Variants in DNER observed in about 807,000 individuals in gnomAD.
DNER encodes delta/notch like EGF repeat containing.
In DNER, 33 loss-of-function variants were observed where a neutral mutation model predicts 78.2. The ratio of observed to expected loss-of-function variants is 0.42; its 90% CI spans 0.32 to 0.56. The LOEUF (loss-of-function observed/expected upper bound fraction) is 0.56. Ranked by LOEUF, DNER falls within the 20% of genes least tolerant of loss-of-function variation. The pLI, the probability that DNER is intolerant of heterozygous loss-of-function variation, is 0.11. For synonymous variants in DNER, 417 were observed against 384.8 expected (o/e 1.08, Z -0.98); for missense variants, 918 against 975.3 (o/e 0.94, Z 0.78).
intron 6 of DNER, among the ~76,000 whole-genome samples, chr2:229,499,717 A>G (rs1313941028): frequency 6.6e-6 from 1 of 152,116 alleles, no homozygotes; most frequent in African/African-American, 2.4e-5. Context: ...AAATAGACAA[A>G]CGGGATTACA....
At chr2:229,659,441 A>G (rs1468749589) in intron 1 of DNER, among the ~76,000 whole-genome samples, 2 of 152,160 alleles carry the variant, frequency 1.3e-5, no homozygotes, top group Non-Finnish European at 2.9e-5. Context: ...ATTTAACCTT[A>G]CTATGATATA....
At chr2:229,608,744 T>A (rs1697993473) in intron 1 of DNER, among the ~76,000 whole-genome samples, 1 of 151,582 alleles carries the variant, frequency 6.6e-6, no homozygotes, top group African/African-American at 2.4e-5. Context: ...TGGGGAGGAG[T>A]AGGGTAGTGG....
chr2:229,367,722 A>T (rs1487562130), intron 11 of DNER, among the ~76,000 whole-genome samples: 1 of 152,240 alleles, frequency 6.6e-6, no homozygotes, highest in Non-Finnish European at 1.5e-5. Flanking sequence ...CAATTCCTCT[A>T]TCAGCTCCCA....
At chr2:229,676,470 G>C (rs527498859) in intron 1 of DNER, among the ~76,000 whole-genome samples, 3 of 152,144 alleles carry the variant, frequency 2.0e-5, no homozygotes, top group Non-Finnish European at 4.4e-5. Context: ...AGAAATAATC[G>C]CCTGGTTATA....
At chr2:229,464,753 TG>T (rs1219909813) in intron 7 of DNER, among the ~76,000 whole-genome samples, 5 of 151,832 alleles carry the variant, frequency 3.3e-5, no homozygotes, top group Non-Finnish European at 7.4e-5. Flanking sequence ...TAGAGAATGG[TG>T]GGGGCTGTGT....
In DNER at chr2:229,591,304, C is replaced by T. The variant is rs1227477114; in HGVS notation, c.585+276G>A. 6.6e-6 allele frequency among the ~76,000 whole-genome samples: 1 copy of T among 152,204 alleles called. No individual in the cohort carries two copies. Among genetic ancestry groups the T allele is most frequent in the African/African-American group, 2.4e-5 (1 of 41,452 alleles). On this transcript the variant is annotated intron_variant, in intron 2 of 12. Transcript: ENST00000341772. This position sits in a 1 kb window ranked among gnomAD's most constrained non-coding sequence, Gnocchi z 4.6. Reference sequence around the variant, plus strand: ...TATGACATGTTCCTTTACATGACTACACTGAGCTGTCTTCCCCAAAATCTA... The same window carrying T: ...TATGACATGTTCCTTTACATGACTATACTGAGCTGTCTTCCCCAAAATCTA...
intron 10 of DNER, among the ~76,000 whole-genome samples, chr2:229,390,501 TAGTC>T (rs1419932010): frequency 6.6e-6 from 1 of 152,206 alleles, no homozygotes; most frequent in Admixed American, 6.5e-5. Context: ...GGCTCTAACA[TAGTC>T]AGGGGAAGCC....
intron 11 of DNER, among the ~76,000 whole-genome samples, chr2:229,371,640 A>G (rs552679183): frequency 6.6e-6 from 1 of 152,216 alleles, no homozygotes; most frequent in South Asian, 2.1e-4. Flanking sequence ...GGTGAGGCAG[A>G]CAGTCAGTGG....
At chr2:229,670,861 T>G (rs1053045228) in intron 1 of DNER, among the ~76,000 whole-genome samples, 8 of 152,140 alleles carry the variant, frequency 5.3e-5, no homozygotes, top group Non-Finnish European at 1.2e-4. Flanking sequence ...AATATTAGTC[T>G]AAATAGCCAC....
chr2:229,422,605 C>T (rs1207209755), intron 8 of DNER, among the ~76,000 whole-genome samples: 1 of 152,104 alleles, frequency 6.6e-6, no homozygotes, highest in African/African-American at 2.4e-5. Context: ...GGAGGAAAAA[C>T]AGGCTTAGAA....
chr2:229,480,498 A>G (rs1307770441), intron 6 of DNER, among the ~76,000 whole-genome samples: 1 of 152,230 alleles, frequency 6.6e-6, no homozygotes, highest in African/African-American at 2.4e-5. Context: ...GATAATGCAC[A>G]AATATTCCCA....
At position 229,547,068 on chromosome 2, in the gene DNER, T is replaced by A; in HGVS notation, c.872A>T (p.Lys291Met). Residue 291 changes from lysine (K) to methionine (M), a missense_variant, in exon 5 of 13, where the codon AAG becomes ATG. Lys to Met is a moderately conservative substitution (Grantham distance 95). Transcript: ENST00000341772. ...FIGFVNDSVT[K>M]SIVALRLTLV... ...AGTTAAGCGCAAAGCCACAATAGAC[T>A]TAGTCACAGAATCATTCACAAAACC... 1 of 1,614,008 alleles carries A rather than the reference T, an allele frequency of 6.2e-7. No homozygotes were observed. The highest frequency in any genetic ancestry group is 8.5e-7 in the Non-Finnish European group (1 of 1,179,990).
chr2:229,697,974 G>A (rs916979270), intron 1 of DNER, among the ~76,000 whole-genome samples: 10 of 152,168 alleles, frequency 6.6e-5, no homozygotes, highest in Admixed American at 1.3e-4. Context: ...GGGACTGCTT[G>A]GGACCAGGAG....
At chr2:229,578,835 A>AC (rs1697346451) in intron 4 of DNER, among the ~76,000 whole-genome samples, 1 of 152,250 alleles carries the variant, frequency 6.6e-6, no homozygotes, top group African/African-American at 2.4e-5. Flanking sequence ...ATAGAGCTTT[A>AC]CTAAGGAATT....
intron 5 of DNER, among the ~76,000 whole-genome samples, chr2:229,529,442 C>A (rs955244637): frequency 2.0e-5 from 3 of 152,242 alleles, no homozygotes; most frequent in Admixed American, 6.5e-5. Context: ...CCCTACCACA[C>A]TTCCTCGGAA....
intron 11 of DNER, among the ~76,000 whole-genome samples, chr2:229,387,219 C>T (rs918000688): frequency 6.6e-6 from 1 of 152,016 alleles, no homozygotes; most frequent in African/African-American, 2.4e-5. Flanking sequence ...AGCAAACTAA[C>T]ACAGGAACAA....
intron 2 of DNER, among the ~76,000 whole-genome samples, chr2:229,590,965 C>T (rs1208437316): frequency 2.0e-5 from 3 of 152,204 alleles, no homozygotes; most frequent in African/African-American, 7.2e-5. Flanking sequence ...TCTCCCTTCC[C>T]TCTCTTGCCC....
chr2:229,371,298 T>C (rs1372378767), intron 11 of DNER, among the ~76,000 whole-genome samples: 1 of 152,210 alleles, frequency 6.6e-6, no homozygotes, highest in Non-Finnish European at 1.5e-5. Flanking sequence ...GCTATCCTCA[T>C]AAGTCATTGC....
chr2:229,705,492 A>G (rs181120174), intron 1 of DNER, among the ~76,000 whole-genome samples: 112 of 152,270 alleles, frequency 7.4e-4, no homozygotes, highest in Admixed American at 1.3e-3. Context: ...CCATACAGAA[A>G]CTAAAACTTC....
Sources: allele counts gnomAD v4.1 joint callset (sites outside exome capture counted in the v4.1 genomes callset), GRCh38; gene constraint gnomAD v4.1.1; non-coding constraint Gnocchi (gnomAD v3.1); transcripts MANE v1.5; gene names NCBI Gene and HGNC (gene_info 2026-07-23, HGNC 2026-07-21).